Variants in PAM16 observed in about 807,000 individuals in gnomAD.
PAM16 encodes mitochondrial import inner membrane translocase subunit TIM16.
Under a neutral mutation model 17.9 loss-of-function variants are expected in PAM16, and 11 were observed. That is an observed-to-expected ratio of 0.62 (90% CI 0.39 to 1.02). The LOEUF is 1.02. PAM16 is among the 50% of genes least tolerant of loss of function. The pLI is 0.01. For missense variants in PAM16, 199 were observed against 165.4 expected (o/e 1.20, Z -1.11); for synonymous variants, 72 against 67.4 (o/e 1.07, Z -0.34).
rs750750280 is a variant in PAM16, at chr16:4,340,898, C to A, written c.291+22G>T. The A allele has an allele frequency of 2.5e-6, 4 of 1,612,828 alleles. No homozygotes were observed. The Admixed American group carries it at 6.7e-5, about 27-fold the overall frequency. On this transcript the variant is annotated intron_variant, in intron 4 of 4. Transcript: ENST00000318059. ...GAAGGGGTCCCATGACTTCATTCCT[C>A]CCAGAATCAAAGACCACTCACCTTT... is the stretch of plus-strand genomic sequence containing the variant.
At chr16:4,343,480 C>G (rs947031387) in intron 1 of PAM16, 189 bp from the exon 2 acceptor site, 1 of 1,431,506 alleles carries the variant, frequency 7.0e-7, no homozygotes, top group Admixed American at 2.9e-5. Context: ...CTTAGTTACT[C>G]ACTGGACAGG....
At chr16:4,345,926 TCACACCAA>T in intron 1 of PAM16, 1 of 985,316 alleles carries the variant, frequency 1.0e-6, no homozygotes, top group Non-Finnish European at 1.2e-6. Flanking sequence ...AGACTACCCC[TCACACCAA>T]CAGCCTTCGG....
intron 1 of PAM16, chr16:4,344,127 G>A: frequency 2.5e-6 from 1 of 397,038 alleles, no homozygotes; most frequent in Non-Finnish European, 4.4e-6. Flanking sequence ...GACTCACTAA[G>A]ATGTGAGCGG....
chr16:4,341,258 T>C, intron 3 of PAM16, 110 bp downstream of exon 3: 2 of 1,469,894 alleles, frequency 1.4e-6, no homozygotes, highest in Non-Finnish European at 1.8e-6. Flanking sequence ...GAGTCCGAGC[T>C]GGGTGCAGCT....
chr16:4,340,839 C>T, intron 4 of PAM16, 81 bp downstream of exon 4: 1 of 1,555,076 alleles, frequency 6.4e-7, no homozygotes, highest in Non-Finnish European at 8.9e-7. Flanking sequence ...AGCTGGCCAG[C>T]TCCCCCAACT....
At chr16:4,344,289 T>A (rs1382324512) in intron 1 of PAM16, among the ~76,000 whole-genome samples, 10 of 908 alleles carry the variant, frequency 0.011, no homozygotes, top group South Asian at 0.045. Context: ...AGGAGGGGGT[T>A]CTGTGTGAGA....
intron 4 of PAM16, among the ~76,000 whole-genome samples, chr16:4,340,649 G>A (rs2053629798): frequency 6.6e-6 from 1 of 152,086 alleles, no homozygotes; most frequent in South Asian, 2.1e-4. Flanking sequence ...CCACCCACGG[G>A]GGCTCCTGCT....
Position 4,341,364 on chromosome 16 carries a change from T to C in PAM16, c.225+4A>G. 1.3e-6 allele frequency: 2 copies of C among 1,570,984 alleles called. No homozygotes were observed. Among genetic ancestry groups the C allele is most frequent in the African/African-American group, 1.3e-5 (1 of 74,196 alleles). On this transcript the variant is annotated splice_donor_region_variant and intron_variant, in intron 3 of 4. Coordinates refer to ENST00000318059, the MANE Select transcript of PAM16 (RefSeq NM_016069.11). ...CAAACTTTGGGGTGGCCCAGTGGCC[T>C]CACCTTCTGGACCTCCTCAGGGCTC...
chr16:4,350,296 A>ATGTG (rs201469434), intron 1 of PAM16, among the ~76,000 whole-genome samples: 38 of 149,690 alleles, frequency 2.5e-4, no homozygotes, highest in African/African-American at 8.6e-4. Context: ...TGTATATATT[A>ATGTG]TGTGTGTGTG....
At position 4,340,412 on chromosome 16, in the gene PAM16, G is replaced by C. The variant is rs546124771; in HGVS notation, c.292-7C>G. Reference sequence around the variant, plus strand: ...GCTCCTTTGCGCGGACCACCTAGTGGGTCACGGATAATCAGGCCGGGAGGC... The same window carrying C: ...GCTCCTTTGCGCGGACCACCTAGTGCGTCACGGATAATCAGGCCGGGAGGC... On this transcript the variant is annotated splice_polypyrimidine_tract_variant and splice_region_variant and intron_variant, in intron 4 of 4. Transcript: ENST00000318059. 6.2e-7 allele frequency: 1 copy of C among 1,610,324 alleles called. No homozygotes were observed. The highest frequency in any genetic ancestry group is 1.1e-5 in the South Asian group (1 of 91,076).
chr16:4,340,446 C>A (rs769239158), intron 4 of PAM16, 41 bp from the exon 5 acceptor site: 3 of 1,597,778 alleles, frequency 1.9e-6, no homozygotes, highest in Admixed American at 3.4e-5. Context: ...GCCAAGCCTC[C>A]GCCCCATACC....
At chr16:4,351,148 C>A in intron 1 of PAM16, 84 bp downstream of exon 1, 1 of 772,516 alleles carries the variant, frequency 1.3e-6, no homozygotes. Context: ...GCGCCCGCCG[C>A]CCAGCCCGGA....
chr16:4,350,245 G>A (rs893136670), intron 1 of PAM16, among the ~76,000 whole-genome samples: 1 of 151,452 alleles, frequency 6.6e-6, no homozygotes, highest in Non-Finnish European at 1.5e-5. Context: ...TTCCCAAGCA[G>A]CTGGGATTAC....
intron 2 of PAM16, among the ~76,000 whole-genome samples, chr16:4,342,929 G>T (rs1401637708): frequency 6.6e-6 from 1 of 152,220 alleles, no homozygotes; most frequent in Admixed American, 6.5e-5. Context: ...CTGCATTCCA[G>T]CCTGGGCGAC....
At chr16:4,343,102 C>T (rs1009501741) in intron 2 of PAM16, 105 bp downstream of exon 2, 1 of 1,478,166 alleles carries the variant, frequency 6.8e-7, no homozygotes, top group African/African-American at 1.4e-5. Context: ...GTGCCTCAGG[C>T]CACGCACACT....
chr16:4,341,092 T>C (rs548776365), intron 3 of PAM16, 107 bp from the exon 4 acceptor site: 1 of 1,415,990 alleles, frequency 7.1e-7, no homozygotes, highest in South Asian at 1.2e-5. Flanking sequence ...CTCTCCACCC[T>C]GTGTGCCACA....
At chr16:4,343,392 G>A (rs1016079909) in intron 1 of PAM16, 101 bp from the exon 2 acceptor site, 29 of 1,502,898 alleles carry the variant, frequency 1.9e-5, no homozygotes, top group Admixed American at 6.8e-5. Flanking sequence ...CCGGAGACCC[G>A]AGGTCATGAA....
Position 4,340,954 on chromosome 16 carries a change from T to C in PAM16, c.257A>G (p.Lys86Arg). The C allele has an allele frequency of 1.2e-6, 2 of 1,613,676 alleles. No homozygotes were observed. Among genetic ancestry groups the C allele is most frequent in the Non-Finnish European group, 1.7e-6 (2 of 1,179,984 alleles). Residue 86 changes from lysine (K) to arginine (R), a missense_variant, in exon 4 of 5, where the codon AAA becomes AGA. Lys to Arg is a conservative substitution (Grantham distance 26). Coordinates refer to ENST00000318059, the MANE Select transcript of PAM16 (RefSeq NM_016069.11). ...NYEHLFKVND[K>R]SVGGSFYLQS... is the part of the protein sequence containing the mutation. ...CAGGTAGAAGGAGCCACCCACGGAT[T>C]TATCATTCACCTTAAATAAGTGTTC... is the stretch of plus-strand genomic sequence containing the variant.
In PAM16 at chr16:4,341,254, G is replaced by A. The variant is rs953807550; in HGVS notation, c.225+114C>T. On this transcript the variant is annotated intron_variant, in intron 3 of 4. Transcript: ENST00000318059. ...CAGTGGCTCCCGAAAGTTGGAGTCC[G>A]AGCTGGGTGCAGCTGCAGCCTCCAC... 1.6e-5 allele frequency: 23 copies of A among 1,468,132 alleles called. No individual in the cohort carries two copies. The Admixed American group carries it at 1.6e-4, about 10-fold the overall frequency. The allele number at this position is 1,468,132 out of a possible 1,614,324, so 90.9% of individuals were successfully genotyped here.
Sources: allele counts gnomAD v4.1 joint callset (sites outside exome capture counted in the v4.1 genomes callset), GRCh38; gene constraint gnomAD v4.1.1; transcripts MANE v1.5; gene names NCBI Gene and HGNC (gene_info 2026-07-23, HGNC 2026-07-21).